Variants in ZFAND4 observed in about 807,000 individuals in gnomAD.
The protein encoded by ZFAND4 is AN1-type zinc finger protein 4.
A neutral mutation model predicts 64.4 loss-of-function variants in ZFAND4; 43 were observed. The ratio of observed to expected loss-of-function variants is 0.67; its 90% CI spans 0.52 to 0.86. ZFAND4 has a LOEUF of 0.86. Among genes scored for constraint, ZFAND4 ranks in the 40% least tolerant of loss-of-function variants. The pLI is 0.00. For synonymous variants in ZFAND4, 296 were observed against 305.7 expected (o/e 0.97, Z 0.33); for missense variants, 929 against 859.8 (o/e 1.08, Z -1.01).
chr10:45,626,303 G>A lies in ZFAND4; in HGVS notation c.1520C>T (p.Ser507Phe). Residue 507 changes from serine (S) to phenylalanine (F), a missense_variant, in exon 7 of 10, where the codon TCT (serine) becomes TTT (phenylalanine). Physicochemically the swap from Ser to Phe is radical, Grantham distance 155 (BLOSUM62 -2). Coordinates refer to ENST00000344646, the MANE Select transcript of ZFAND4 (RefSeq NM_174890.4). ...TATGTTTTGAACATCCAGTGACTGA[G>A]AAGAAGAAGGCTGTAGCTTCCCAAA... is the stretch of plus-strand genomic sequence containing the variant. The part of the protein sequence containing the change: ...FEFGKLQPSS[S>F]QSLDVQNITD... The A allele has an allele frequency of 6.2e-7, 1 of 1,613,460 alleles. No individual in the cohort carries two copies. Among genetic ancestry groups the A allele is most frequent in the South Asian group, 1.1e-5 (1 of 90,738 alleles).
intron 5 of ZFAND4, 56 bp downstream of exon 5, chr10:45,648,238 G>A: frequency 1.4e-6 from 2 of 1,466,690 alleles, no homozygotes; most frequent in Non-Finnish European, 1.8e-6. Flanking sequence ...CATGACATTT[G>A]TTAATATATA....
rs539926751 is a variant in ZFAND4 at position 45,615,623 on chromosome 10, C to T, written c.*813G>A. On this transcript the variant is annotated 3_prime_UTR_variant, in exon 10 of 10. Coordinates refer to ENST00000344646, the MANE Select transcript of ZFAND4 (RefSeq NM_174890.4). The stretch of plus-strand genomic sequence containing the variant: ...TGAAATTGAATATTTATTTGAATTT[C>T]TCCTGGTAATAGCACTCAACAAATA... 6.6e-6 allele frequency: 1 copy of T among 151,726 alleles called. No individual in the cohort carries two copies. Among genetic ancestry groups the T allele is most frequent in the Non-Finnish European group, 1.5e-5 (1 of 67,924 alleles). The allele number at this position is 151,726 out of a possible 1,614,324, so 9.4% of individuals were successfully genotyped here.
At position 45,624,590 on chromosome 10, in the gene ZFAND4, T is replaced by A; in HGVS notation, c.1920A>T (p.Lys640Asn). ...GMNGNNAAAG[K>N]SVGECTTHHL... Reference sequence around the variant, plus strand: ...AAATTATCTGTAGCTTACCTACGCTTTTCCCTGCTGCTGCATTATTTCCAT... The same window carrying A: ...AAATTATCTGTAGCTTACCTACGCTATTCCCTGCTGCTGCATTATTTCCAT... Residue 640 changes from lysine to asparagine, a missense_variant, in exon 8 of 10, where the codon AAA becomes AAT. Lys to Asn is a moderately conservative substitution (Grantham distance 94). Transcript: ENST00000344646. 1 of 1,613,912 alleles carries A rather than the reference T, an allele frequency of 6.2e-7. No individual in the cohort carries two copies. Among genetic ancestry groups the A allele is most frequent in the Non-Finnish European group, 8.5e-7 (1 of 1,179,908 alleles).
intron 6 of ZFAND4, among the ~76,000 whole-genome samples, chr10:45,627,492 A>T (rs1289118692): frequency 7.8e-6 from 1 of 129,010 alleles, no homozygotes; most frequent in Non-Finnish European, 1.6e-5. Context: ...TATCAATCCT[A>T]AAAAAAAAAA....
chr10:45,669,852 A>C (rs192840589), intron 1 of ZFAND4, among the ~76,000 whole-genome samples: 2 of 152,338 alleles, frequency 1.3e-5, no homozygotes, highest in East Asian at 3.9e-4. Context: ...AAAAACTCTT[A>C]ATAAACTAGG....
At chr10:45,653,907 G>GAAATC (rs1433815024) in intron 2 of ZFAND4, among the ~76,000 whole-genome samples, 1 of 152,128 alleles carries the variant, frequency 6.6e-6, no homozygotes, top group Admixed American at 6.5e-5. Flanking sequence ...CAAAAGAGAT[G>GAAATC]AAATCAATCA....
At chr10:45,654,279 T>C (rs1333557090) in intron 2 of ZFAND4, among the ~76,000 whole-genome samples, 3 of 152,062 alleles carry the variant, frequency 2.0e-5, no homozygotes, top group African/African-American at 7.2e-5. Flanking sequence ...TTTACCCACG[T>C]AACAAACCTA....
chr10:45,642,084 G>A (rs922928396), intron 5 of ZFAND4, among the ~76,000 whole-genome samples: 9 of 152,120 alleles, frequency 5.9e-5, no homozygotes, highest in East Asian at 1.9e-4. Context: ...GAAGATTTTC[G>A]TCATGTCACC....
At chr10:45,620,236 C>G (rs1357703724) in intron 8 of ZFAND4, among the ~76,000 whole-genome samples, 1 of 152,094 alleles carries the variant, frequency 6.6e-6, no homozygotes, top group Non-Finnish European at 1.5e-5. Flanking sequence ...GTAATCCTAG[C>G]ACTTTGGGAG....
At position 45,663,712 on chromosome 10, in the gene ZFAND4, T is replaced by A. The variant is rs1448092326; in HGVS notation, c.14A>T (p.Lys5Ile). ...ATCATCATTGAAGAATGGAGGCTCT[T>A]TTCTGTTATCCATTACTTTGACTTT... MDNR[K>I]EPPFFNDDNM... The change falls in exon 2 of 10, where the codon AAA becomes ATA. Residue 5 changes from lysine to isoleucine, a missense_variant. Coordinates refer to ENST00000344646, the MANE Select transcript of ZFAND4 (RefSeq NM_174890.4). The A allele has an allele frequency of 6.2e-7, 1 of 1,600,342 alleles. No homozygotes were observed. The highest frequency in any genetic ancestry group is 2.2e-5 in the East Asian group (1 of 44,540).
chr10:45,665,067 G>C (rs926281514), intron 1 of ZFAND4, among the ~76,000 whole-genome samples: 2 of 152,184 alleles, frequency 1.3e-5, no homozygotes, highest in Non-Finnish European at 2.9e-5. Flanking sequence ...ATAAGTATGA[G>C]TGGTAAGCCC....
intron 6 of ZFAND4, among the ~76,000 whole-genome samples, chr10:45,627,699 C>A (rs1480896624): frequency 6.6e-6 from 1 of 152,146 alleles, no homozygotes; most frequent in East Asian, 1.9e-4. Context: ...TTTTGGGAGT[C>A]TGAACCGCAA....
At position 45,652,949 on chromosome 10, in the gene ZFAND4, T is replaced by A. The variant is rs191712132; in HGVS notation, c.260+35A>T. 2.9e-3 allele frequency: 4,436 copies of A among 1,512,174 alleles called. 11 individuals carry two copies. The highest frequency in any genetic ancestry group is 3.8e-3 in the Non-Finnish European group (4,112 of 1,094,198). The allele number at this position is 1,512,174 out of a possible 1,614,324, so 93.7% of individuals were successfully genotyped here. ...TAGCATATGGAGTCATAATACTAAG[T>A]GCCTACAAAACAGCCAATATGCAAT... On this transcript the variant is annotated intron_variant, in intron 3 of 9. Transcript: ENST00000344646.
chr10:45,634,175 G>A (rs1420774972), intron 6 of ZFAND4, among the ~76,000 whole-genome samples: 1 of 152,136 alleles, frequency 6.6e-6, no homozygotes, highest in Non-Finnish European at 1.5e-5. Flanking sequence ...CAAACAGAAA[G>A]CAAATGTGGG....
In ZFAND4 at chr10:45,626,107, T is replaced by A. The variant is rs774238896; in HGVS notation, c.1716A>T (p.Ser572=). ...GCVNNISFLA[S]LAGSTSRNRL... ...TATTTCTGCTTGTGCTCCCGGCCAG[T>A]GAGGCAAGAAAACTGATATTATTTA... Residue 572 remains serine, a synonymous_variant, in exon 7 of 10, where the codon TCA becomes TCT. Transcript: ENST00000344646. 1.2e-6 allele frequency: 2 copies of A among 1,614,098 alleles called. No individual in the cohort carries two copies. The highest frequency in any genetic ancestry group is 8.5e-7 in the Non-Finnish European group (1 of 1,180,034).
chr10:45,643,543 G>A lies in ZFAND4; in HGVS notation c.570-3580C>T, dbSNP rs185893488. Among the ~76,000 whole-genome samples the A allele has an allele frequency of 2.7e-3, 417 of 151,694 alleles. 5 individuals are homozygous for A. Among genetic ancestry groups the A allele is most frequent in the African/African-American group, 9.4e-3 (390 of 41,390 alleles). On this transcript the variant is annotated intron_variant, in intron 5 of 9. Transcript: ENST00000344646. ...AAATTAGCTGGGCATGGTGGCGGGC[G>A]CCTGTAGTCCCAGCTACTTGGGAGG...
chr10:45,660,174 A>AG (rs995047393), intron 2 of ZFAND4, among the ~76,000 whole-genome samples: 14 of 151,780 alleles, frequency 9.2e-5, no homozygotes, highest in East Asian at 5.8e-4. Context: ...AAAAAAAAAA[A>AG]AAAAGAAAAA....
chr10:45,617,565 C>A lies in ZFAND4; in HGVS notation c.2048+575G>T, dbSNP rs538014200. On this transcript the variant is annotated intron_variant, in intron 9 of 9. Coordinates refer to ENST00000344646, the MANE Select transcript of ZFAND4 (RefSeq NM_174890.4). ...ATCGCTTGAGCCCAAGACATCAAGGCTCCAGTGAGTTATGATTACAGTACT... is the reference window on the plus strand; with the variant it reads ...ATCGCTTGAGCCCAAGACATCAAGGATCCAGTGAGTTATGATTACAGTACT... 2.2e-5 allele frequency among the ~76,000 whole-genome samples: 3 copies of A among 138,364 alleles called. No individual in the cohort carries two copies. The South Asian group carries it at 7.3e-4, about 34-fold the overall frequency. 90.8% of individuals were successfully genotyped at this position (138,364 alleles called of 152,430 possible).
chr10:45,625,908 T>A, intron 7 of ZFAND4, 43 bp downstream of exon 7: 1 of 1,560,126 alleles, frequency 6.4e-7, no homozygotes. Flanking sequence ...GTTGAATCAC[T>A]ACAAGGATAA....
Sources: allele counts gnomAD v4.1 joint callset (sites outside exome capture counted in the v4.1 genomes callset), GRCh38; gene constraint gnomAD v4.1.1; transcripts MANE v1.5; gene names NCBI Gene and HGNC (gene_info 2026-07-23, HGNC 2026-07-21).